The following DPYSL5 variants were observed in gnomAD, a reference collection of about 807,000 sequenced individuals.
The protein encoded by DPYSL5 is dihydropyrimidinase like 5, also known as dihydropyrimidinase-related protein 5.
A neutral mutation model predicts 58.4 loss-of-function variants in DPYSL5; 9 were observed. The observed-to-expected ratio is 0.15, with a 90% CI of 0.09 to 0.27. The LOEUF (loss-of-function observed/expected upper bound fraction) is 0.27, where lower values mean the gene tolerates loss of function less well. DPYSL5 is among the 10% of genes least tolerant of loss of function. The pLI, the probability that DPYSL5 is intolerant of heterozygous loss-of-function variation, is 1.00. For missense variants in DPYSL5, 499 were observed against 770.6 expected, an observed-to-expected ratio of 0.65 and a Z score of 4.17; for synonymous variants, 293 against 301.9, an observed-to-expected ratio of 0.97 and a Z score of 0.31.
At chr2:26,869,829 G>A (rs929845773) in intron 1 of DPYSL5, among the ~76,000 whole-genome samples, 158 of 152,166 alleles carry the variant, frequency 1.0e-3, no homozygotes, top group African/African-American at 3.7e-3. Context: ...GGCTAACACG[G>A]TGAAATGCCG....
At chr2:26,922,173 C>T (rs766264231) in intron 2 of DPYSL5, among the ~76,000 whole-genome samples, 1 of 152,162 alleles carries the variant, frequency 6.6e-6, no homozygotes, top group Non-Finnish European at 1.5e-5. Flanking sequence ...TACAAAACCC[C>T]GAATCTCTCC....
chr2:26,931,737 G>T, intron 6 of DPYSL5, 53 bp downstream of exon 6: 1 of 1,594,314 alleles, frequency 6.3e-7, no homozygotes, highest in African/African-American at 1.3e-5. Flanking sequence ...GGCCAGGCAC[G>T]GTGCTGATGT....
intron 2 of DPYSL5, among the ~76,000 whole-genome samples, chr2:26,920,005 G>T (rs1435796983): frequency 6.6e-6 from 1 of 152,088 alleles, no homozygotes; most frequent in Non-Finnish European, 1.5e-5. Flanking sequence ...CAGTATGATA[G>T]ATATTATTTG....
chr2:26,854,882 G>T (rs1001535613), intron 1 of DPYSL5, among the ~76,000 whole-genome samples: 1 of 151,450 alleles, frequency 6.6e-6, no homozygotes, highest in Non-Finnish European at 1.5e-5. Flanking sequence ...TCAGTGGTGC[G>T]ATCTCTGCTC....
intron 1 of DPYSL5, among the ~76,000 whole-genome samples, chr2:26,894,278 C>A (rs949779171): frequency 1.3e-5 from 2 of 151,976 alleles, no homozygotes; most frequent in South Asian, 2.1e-4. Context: ...GTGGCTCCCC[C>A]ACATCTTCAC....
intron 6 of DPYSL5, among the ~76,000 whole-genome samples, chr2:26,932,228 GA>G (rs1665052584): frequency 6.6e-6 from 1 of 150,666 alleles, no homozygotes; most frequent in Admixed American, 6.6e-5. Context: ...AAGAAAGAAA[GA>G]AAGAAAACCA....
chr2:26,900,709 A>G (rs756426789), intron 2 of DPYSL5, among the ~76,000 whole-genome samples: 2 of 152,186 alleles, frequency 1.3e-5, no homozygotes, highest in Non-Finnish European at 2.9e-5. Context: ...GCAGTAGTGT[A>G]AGAGAGGCCA....
intron 5 of DPYSL5, among the ~76,000 whole-genome samples, chr2:26,930,564 C>T (rs1411531624): frequency 6.6e-6 from 1 of 152,208 alleles, no homozygotes; most frequent in African/African-American, 2.4e-5. Flanking sequence ...GTGGCTCACA[C>T]CTGTAATCCC....
intron 1 of DPYSL5, among the ~76,000 whole-genome samples, chr2:26,888,459 C>T (rs895269471): frequency 9.9e-5 from 15 of 151,984 alleles, no homozygotes; most frequent in Middle Eastern, 6.8e-3. Context: ...TTGGTAGGGA[C>T]GGGGGTTTCA....
chr2:26,886,831 C>T (rs1663731176), intron 1 of DPYSL5, among the ~76,000 whole-genome samples: 1 of 152,194 alleles, frequency 6.6e-6, no homozygotes. Context: ...AAGAATGGCT[C>T]TCCCATTGAG....
rs1384986868 is a variant in DPYSL5 at position 26,877,070 on chromosome 2, G to A, written c.-4-21426G>A. Among the ~76,000 whole-genome samples the A allele has an allele frequency of 1.3e-5, 2 of 149,986 alleles. No individual in the cohort carries two copies. Among genetic ancestry groups the A allele is most frequent in the Admixed American group, 6.7e-5 (1 of 14,890 alleles). ...CAACCTCCGCCTCCCAGGTTCAAGC[G>A]ATTCTCTTGCCTCAGCCTCCCGAGT... is the stretch of plus-strand genomic sequence containing the variant. On this transcript the variant is annotated intron_variant, in intron 1 of 12. Transcript: ENST00000288699. The surrounding 1 kb of genome is among the most constrained non-coding windows in gnomAD (Gnocchi z 4.1).
At chr2:26,935,759 C>T (rs1665158221) in intron 8 of DPYSL5, among the ~76,000 whole-genome samples, 1 of 151,840 alleles carries the variant, frequency 6.6e-6, no homozygotes, top group Non-Finnish European at 1.5e-5. Context: ...ATTAAAGTTC[C>T]ATCCAGTTTA....
intron 2 of DPYSL5, among the ~76,000 whole-genome samples, chr2:26,903,965 G>T (rs1664224932): frequency 6.6e-6 from 1 of 152,238 alleles, no homozygotes; most frequent in South Asian, 2.1e-4. Flanking sequence ...ACTCCCTCTT[G>T]TCTGTGCCAG....
chr2:26,916,052 G>T (rs1463548330), intron 2 of DPYSL5, among the ~76,000 whole-genome samples: 1 of 152,064 alleles, frequency 6.6e-6, no homozygotes, highest in East Asian at 1.9e-4. Context: ...ATCTCCATGT[G>T]TCTAAAAATT....
At chr2:26,904,486 C>T (rs1664241327) in intron 2 of DPYSL5, among the ~76,000 whole-genome samples, 2 of 152,196 alleles carry the variant, frequency 1.3e-5, no homozygotes. Context: ...GATCCAGACT[C>T]ATATGGTCTT....
chr2:26,906,766 T>C (rs1664303061), intron 2 of DPYSL5, among the ~76,000 whole-genome samples: 1 of 152,156 alleles, frequency 6.6e-6, no homozygotes, highest in South Asian at 2.1e-4. Flanking sequence ...TCATAATTTA[T>C]TTATTTATTT....
intron 1 of DPYSL5, among the ~76,000 whole-genome samples, chr2:26,850,612 C>T (rs1231534655): frequency 6.6e-6 from 1 of 152,092 alleles, no homozygotes; most frequent in African/African-American, 2.4e-5. Context: ...CTCATTGATG[C>T]CACTTACATT....
At chr2:26,855,865 C>T (rs1464635689) in intron 1 of DPYSL5, among the ~76,000 whole-genome samples, 2 of 152,178 alleles carry the variant, frequency 1.3e-5, no homozygotes, top group South Asian at 2.1e-4. Flanking sequence ...GGATTTCTGA[C>T]CTTGTAGATT....
chr2:26,867,794 G>A lies in DPYSL5; in HGVS notation c.-5+19540G>A, dbSNP rs75707517. On this transcript the variant is annotated intron_variant, in intron 1 of 12. Coordinates refer to ENST00000288699, the MANE Select transcript of DPYSL5 (RefSeq NM_020134.4). The stretch of plus-strand genomic sequence containing the variant: ...TTTGCCCTGCCAACAGTGCTGCAGT[G>A]GACAGCTTGGTGCCTGTCTCCTCAT... Among the ~76,000 whole-genome samples, 13 of 152,346 alleles carry A rather than the reference G, an allele frequency of 8.5e-5. No individual in the cohort carries two copies. The East Asian group carries it at 2.5e-3, about 29-fold the overall frequency.
Sources: allele counts gnomAD v4.1 joint callset (sites outside exome capture counted in the v4.1 genomes callset), GRCh38; gene constraint gnomAD v4.1.1; non-coding constraint Gnocchi (gnomAD v3.1); transcripts MANE v1.5; gene names NCBI Gene and HGNC (gene_info 2026-07-23, HGNC 2026-07-21).